The following PDZD2 variants were observed in gnomAD, a reference collection of about 807,000 sequenced individuals.
PDZD2 encodes PDZ domain containing 2, also known as PDZ domain-containing protein 2.
Under a neutral mutation model 220.7 loss-of-function variants are expected in PDZD2, and 90 were observed. The ratio of observed to expected loss-of-function variants is 0.41; its 90% confidence interval spans 0.34 to 0.49. The LOEUF (loss-of-function observed/expected upper bound fraction) is 0.49. PDZD2 is among the 20% of genes least tolerant of loss of function. PDZD2 has a pLI of 0.28. For missense variants in PDZD2, 3,174 were observed against 3,608.5 expected (o/e 0.88, Z 3.08); for synonymous variants, 1,375 against 1,450.5 (o/e 0.95, Z 1.18).
intron 1 of PDZD2, among the ~76,000 whole-genome samples, chr5:31,727,799 C>T (rs253915): frequency 0.12 from 18,504 of 150,782 alleles, 1,616 homozygotes; most frequent in East Asian, 0.34. Flanking sequence ...TCAGGAGATG[C>T]GAGACCGTCT....
chr5:31,861,577 C>A (rs767878670), intron 2 of PDZD2, among the ~76,000 whole-genome samples: 1 of 152,120 alleles, frequency 6.6e-6, no homozygotes, highest in Admixed American at 6.5e-5. Flanking sequence ...TGGAGATTGC[C>A]GGCTGAACCC....
At chr5:31,683,257 A>G (rs1746724937) in intron 1 of PDZD2, among the ~76,000 whole-genome samples, 1 of 151,892 alleles carries the variant, frequency 6.6e-6, no homozygotes, top group Admixed American at 6.6e-5. Flanking sequence ...ATTAGAAAAG[A>G]AGGTCATAAG....
chr5:31,819,636 G>C lies in PDZD2; in HGVS notation c.476+19912G>C, dbSNP rs56796653. 9.3e-3 allele frequency among the ~76,000 whole-genome samples: 1,181 copies of C among 127,024 alleles called. 19 individuals are homozygous for C. The highest frequency in any genetic ancestry group is 0.036 in the African/African-American group (1,117 of 31,408). 83.3% of individuals were successfully genotyped at this position (127,024 alleles called of 152,430 possible). On this transcript the variant is annotated intron_variant, in intron 2 of 24. Coordinates refer to ENST00000438447, the MANE Select transcript of PDZD2 (RefSeq NM_178140.4). ...CATGCCACTGCACTCCAGCCTGGGGGACAGAGCAAGACTCTGTCTCAAAAA... is the reference window on the plus strand; with the variant it reads ...CATGCCACTGCACTCCAGCCTGGGGCACAGAGCAAGACTCTGTCTCAAAAA...
chr5:31,668,242 G>A lies in PDZD2; in HGVS notation c.-361+28805G>A, dbSNP rs188021827. On this transcript the variant is annotated intron_variant, in intron 1 of 24. Transcript: ENST00000438447. The stretch of plus-strand genomic sequence containing the variant: ...CCAATCTTACAGGAATTTGCTTTTC[G>A]GTGAAAAGGAAGGAATTGATGAACA... Among the ~76,000 whole-genome samples the A allele has an allele frequency of 7.0e-3, 1,070 of 152,190 alleles. 5 individuals are homozygous for A. The highest frequency in any genetic ancestry group is 0.01 in the Non-Finnish European group (690 of 68,004).
At chr5:32,081,112 A>C (rs1308062185) in intron 19 of PDZD2, among the ~76,000 whole-genome samples, 3 of 151,778 alleles carry the variant, frequency 2.0e-5, no homozygotes, top group Non-Finnish European at 4.4e-5. Context: ...TTGTACCTTA[A>C]GTAAGTGGGT....
chr5:32,022,767 G>C, intron 6 of PDZD2, among the ~76,000 whole-genome samples: 1 of 152,154 alleles, frequency 6.6e-6, no homozygotes, highest in East Asian at 1.9e-4. Context: ...AGTCTATTGA[G>C]CAAAATGTTC....
intron 2 of PDZD2, among the ~76,000 whole-genome samples, chr5:31,879,457 AT>A (rs76979945): frequency 2.0e-5 from 3 of 150,196 alleles, no homozygotes; most frequent in South Asian, 2.1e-4. Flanking sequence ...CACACACACT[AT>A]TTTTTTTTAG....
At chr5:31,696,269 AG>A (rs1747375362) in intron 1 of PDZD2, among the ~76,000 whole-genome samples, 1 of 152,090 alleles carries the variant, frequency 6.6e-6, no homozygotes, top group South Asian at 2.1e-4. Context: ...GGTGCAGGAA[AG>A]GGGGTTTTAC....
chr5:31,880,780 C>CTTTTTTTT (rs1177280477), intron 2 of PDZD2, among the ~76,000 whole-genome samples: 17 of 42,632 alleles, frequency 4.0e-4, no homozygotes, highest in South Asian at 9.0e-4. Flanking sequence ...AGGTAGCTTT[C>CTTTTTTTT]TTTTTTTTTT....
intron 4 of PDZD2, among the ~76,000 whole-genome samples, chr5:31,999,062 G>A (rs889114100): frequency 6.6e-6 from 1 of 152,238 alleles, no homozygotes; most frequent in Non-Finnish European, 1.5e-5. Context: ...ACCCTCCCTA[G>A]GGGAGGCAGT....
At chr5:31,817,323 G>A (rs1279227741) in intron 2 of PDZD2, among the ~76,000 whole-genome samples, 2 of 151,752 alleles carry the variant, frequency 1.3e-5, no homozygotes, top group African/African-American at 2.4e-5. Context: ...GTGAAACCCT[G>A]TCTCTACTAA....
At chr5:31,790,080 G>A (rs190989622) in intron 1 of PDZD2, among the ~76,000 whole-genome samples, 2 of 152,132 alleles carry the variant, frequency 1.3e-5, no homozygotes, top group Non-Finnish European at 2.9e-5. Context: ...GGCCTTCCAT[G>A]GCCCTTGCCT....
intron 1 of PDZD2, among the ~76,000 whole-genome samples, chr5:31,652,236 T>C (rs975111702): frequency 6.6e-6 from 1 of 152,048 alleles, no homozygotes; most frequent in Non-Finnish European, 1.5e-5. Context: ...CAAGTGATCC[T>C]TCCGCCTTGG....
chr5:31,939,611 T>C (rs959129263), intron 2 of PDZD2, among the ~76,000 whole-genome samples: 3 of 152,278 alleles, frequency 2.0e-5, no homozygotes, highest in Admixed American at 6.5e-5. Flanking sequence ...ACGTGGGACC[T>C]TTTTGCTTCT....
intron 2 of PDZD2, among the ~76,000 whole-genome samples, chr5:31,960,865 T>C (rs1748160547): frequency 6.6e-6 from 1 of 152,224 alleles, no homozygotes; most frequent in Non-Finnish European, 1.5e-5. Context: ...ATATAAAGTA[T>C]AATTTTGTTA....
intron 2 of PDZD2, among the ~76,000 whole-genome samples, chr5:31,875,584 CAA>C (rs1217406870): frequency 0.059 from 6,328 of 107,900 alleles, 454 homozygotes; most frequent in African/African-American, 0.19. Flanking sequence ...AGACCCTGTT[CAA>C]AAAAAAAAAA....
At chr5:31,689,065 G>GT (rs1330409328) in intron 1 of PDZD2, among the ~76,000 whole-genome samples, 1 of 151,816 alleles carries the variant, frequency 6.6e-6, no homozygotes, top group Non-Finnish European at 1.5e-5. Flanking sequence ...TTGTTTTCTT[G>GT]TTTTTTGGGG....
intron 7 of PDZD2, among the ~76,000 whole-genome samples, chr5:32,037,941 A>G (rs1755686411): frequency 6.6e-6 from 1 of 151,496 alleles, no homozygotes; most frequent in African/African-American, 2.4e-5. Context: ...TCCCGGGTTC[A>G]AGCAATTCTC....
chr5:31,967,389 G>A (rs1208777768), intron 2 of PDZD2, among the ~76,000 whole-genome samples: 1 of 152,188 alleles, frequency 6.6e-6, no homozygotes, highest in Non-Finnish European at 1.5e-5. Flanking sequence ...CGGGCTTGAG[G>A]ATTACTTACT....
Sources: gnomAD v4.1 joint callset for allele counts (sites outside exome capture counted in the v4.1 genomes callset) on GRCh38, gnomAD v4.1.1 for gene constraint, MANE v1.5 for transcripts, NCBI Gene and HGNC (gene_info 2026-07-23, HGNC 2026-07-21) for gene names.